GK5: variants seen among roughly 807,000 people sequenced by gnomAD.
GK5 encodes glycerol kinase 5.
GK5 carries 39 observed loss-of-function variants against 77.3 expected under a neutral mutation model. The observed-to-expected ratio is 0.50, with a 90% confidence interval of 0.39 to 0.66. The LOEUF (loss-of-function observed/expected upper bound fraction) is 0.66. GK5 is among the 30% of genes least tolerant of loss of function. GK5 has a pLI of 0.00. For missense variants in GK5, 487 were observed against 633.8 expected, an observed-to-expected ratio of 0.77 and a Z score of 2.49; for synonymous variants, 211 against 208.0, an observed-to-expected ratio of 1.01 and a Z score of -0.13.
At chr3:142,207,229 G>T (rs997331158) in intron 3 of GK5, among the ~76,000 whole-genome samples, 1 of 152,140 alleles carries the variant, frequency 6.6e-6, no homozygotes, top group Non-Finnish European at 1.5e-5. Flanking sequence ...GACGCATGAG[G>T]GGGGTGCCTA....
intron 6 of GK5, among the ~76,000 whole-genome samples, chr3:142,187,331 C>A: frequency 6.6e-6 from 1 of 151,684 alleles, no homozygotes; most frequent in African/African-American, 2.4e-5. Flanking sequence ...TGACCAGGTG[C>A]AGTGGCTTAC....
intron 7 of GK5, 61 bp from the exon 8 acceptor site, chr3:142,186,328 A>G (rs1577120874): frequency 9.2e-7 from 1 of 1,089,996 alleles, no homozygotes; most frequent in Non-Finnish European, 1.4e-6. Context: ...CTCTAAACAT[A>G]TATCAAAACA....
chr3:142,221,685 T>C (rs868454381), intron 1 of GK5, among the ~76,000 whole-genome samples: 1 of 152,220 alleles, frequency 6.6e-6, no homozygotes, highest in African/African-American at 2.4e-5. Context: ...GATGTTCCAC[T>C]GGGGAACATG....
chr3:142,208,237 G>A (rs2064139052), intron 3 of GK5, among the ~76,000 whole-genome samples: 2 of 151,992 alleles, frequency 1.3e-5, no homozygotes, highest in Non-Finnish European at 2.9e-5. Context: ...CAATAGTTAA[G>A]AAAATTGAAA....
intron 5 of GK5, among the ~76,000 whole-genome samples, chr3:142,191,429 G>C (rs977483191): frequency 6.6e-6 from 1 of 152,084 alleles, no homozygotes; most frequent in African/African-American, 2.4e-5. Flanking sequence ...GTGGGGCTAG[G>C]TGCGATAGCT....
intron 5 of GK5, among the ~76,000 whole-genome samples, chr3:142,198,367 C>T (rs544112804): frequency 6.6e-6 from 1 of 151,926 alleles, no homozygotes; most frequent in Non-Finnish European, 1.5e-5. Flanking sequence ...AATCCCAGCA[C>T]TTTGGGAGGC....
intron 9 of GK5, among the ~76,000 whole-genome samples, chr3:142,184,262 A>G (rs1283130326): frequency 1.4e-5 from 2 of 145,144 alleles, no homozygotes; most frequent in Admixed American, 1.4e-4. Context: ...CTCTGTCTCA[A>G]AAAAAAAAAA....
rs1307387618 is a variant in GK5 at position 142,165,196 on chromosome 3, A to G, written c.*426T>C. On this transcript the variant is annotated 3_prime_UTR_variant, in exon 16 of 16. Transcript: ENST00000392993. The stretch of plus-strand genomic sequence containing the variant: ...CTTTTTAGCTATATGTACTTCAAAT[A>G]GCCCACTTAAAGAATTAAAGAAATA... 1 of 153,816 alleles carries G rather than the reference A, an allele frequency of 6.5e-6. No homozygotes were observed. Among genetic ancestry groups the G allele is most frequent in the African/African-American group, 2.4e-5 (1 of 41,520 alleles). The allele number at this position is 153,816 out of a possible 1,614,324, so 9.5% of individuals were successfully genotyped here. A position where few individuals can be genotyped will look rare whatever the true frequency, so the allele number is the denominator to read the frequency against.
chr3:142,213,544 G>C lies in GK5; in HGVS notation c.299C>G (p.Thr100Ser). The C allele has an allele frequency of 6.2e-7, 1 of 1,608,772 alleles. No individual in the cohort carries two copies. ...VGLGISTQRA[T>S]FITWNKKTGN... ...TACTTACTTGTTCCACGTAATAAAA[G>C]TTGCTCTCTGTGTTGAAATGCCAAG... is the stretch of plus-strand genomic sequence containing the variant. Residue 100 changes from threonine (T) to serine (S), a missense_variant, in exon 3 of 16, where the codon ACT (threonine) becomes AGT (serine). This residue lies in a region of GK5 where 323 missense variants were observed against 437.4 expected (regional missense o/e 0.74). Transcript: ENST00000392993.
intron 13 of GK5, 21 bp from the exon 14 acceptor site, chr3:142,171,499 CTATT>C (rs1294817775): frequency 7.3e-7 from 1 of 1,373,086 alleles, no homozygotes; most frequent in South Asian, 1.4e-5. Context: ...AACAAGATAA[CTATT>C]TATAAGAAAT....
intron 9 of GK5, 69 bp from the exon 10 acceptor site, chr3:142,183,118 T>C (rs1053145552): frequency 7.4e-7 from 1 of 1,355,782 alleles, no homozygotes; most frequent in Non-Finnish European, 1.0e-6. Context: ...GAGCATTGTC[T>C]CACTTATTGT....
intron 5 of GK5, among the ~76,000 whole-genome samples, chr3:142,196,800 T>C (rs1204860580): frequency 1.3e-5 from 2 of 152,056 alleles, no homozygotes; most frequent in East Asian, 3.9e-4. Flanking sequence ...TTGGGTAGAG[T>C]TTTCTATAAA....
chr3:142,185,120 A>G lies in GK5; in HGVS notation c.816+809T>C, dbSNP rs988794048. 3.0e-6 allele frequency: 3 copies of G among 985,256 alleles called. No homozygotes were observed. In the African/African-American group the frequency reaches 5.2e-5, roughly 17 times the overall value. 61.0% of individuals were successfully genotyped at this position (985,256 alleles called of 1,614,324 possible). On this transcript the variant is annotated intron_variant, in intron 9 of 15. Coordinates refer to ENST00000392993, the MANE Select transcript of GK5 (RefSeq NM_001039547.3). ...AAGGCAATGTGAAAGGACTCTTAAA[A>G]ATCAAAAACAGGCTTGGCACAGTGA...
intron 5 of GK5, among the ~76,000 whole-genome samples, chr3:142,197,068 T>C (rs1162999256): frequency 6.6e-6 from 1 of 152,012 alleles, no homozygotes; most frequent in East Asian, 1.9e-4. Flanking sequence ...GTGCCTGTAG[T>C]CCCAGCTACT....
intron 7 of GK5, 55 bp downstream of exon 7, chr3:142,186,397 C>G: frequency 9.2e-7 from 1 of 1,092,746 alleles, no homozygotes. Context: ...AAATTTAAAT[C>G]TATCTATATT....
intron 12 of GK5, 34 bp downstream of exon 12, chr3:142,177,448 T>A: frequency 8.1e-7 from 1 of 1,229,416 alleles, no homozygotes; most frequent in Non-Finnish European, 1.2e-6. Context: ...GAGAAAAATA[T>A]TTGTGATTGC....
chr3:142,187,700 T>C lies in GK5; in HGVS notation c.619+4A>G. ...TTAAAATAGATCTTTCAGGTCATCT[T>C]TACCTTTTGTGAGCTTATATAACAA... On this transcript the variant is annotated splice_donor_region_variant and intron_variant, in intron 6 of 15. Transcript: ENST00000392993. 6.3e-7 allele frequency: 1 copy of C among 1,596,768 alleles called. No individual in the cohort carries two copies. Among genetic ancestry groups the C allele is most frequent in the Non-Finnish European group, 8.6e-7 (1 of 1,167,662 alleles).
intron 6 of GK5, 119 bp from the exon 7 acceptor site, chr3:142,186,632 T>A: frequency 1.9e-5 from 5 of 258,634 alleles, no homozygotes; most frequent in East Asian, 1.6e-4. Flanking sequence ...TGTATTTTCT[T>A]TTTTTTTTTT....
At chr3:142,187,316 A>G (rs79804335) in intron 6 of GK5, among the ~76,000 whole-genome samples, 10 of 152,040 alleles carry the variant, frequency 6.6e-5, no homozygotes, top group Non-Finnish European at 1.3e-4. Context: ...AAAAAAAAAA[A>G]CTTCTGACCA....
Sources: gnomAD v4.1 joint callset for allele counts (sites outside exome capture counted in the v4.1 genomes callset) on GRCh38, gnomAD v4.1.1 for gene constraint, gnomAD v4.1.1 regional missense constraint, MANE v1.5 for transcripts, NCBI Gene and HGNC (gene_info 2026-07-23, HGNC 2026-07-21) for gene names.